Variants in EPHA3 observed in about 807,000 individuals in gnomAD.
EPHA3 encodes the protein EPH receptor A3.
Under a neutral mutation model 107.1 loss-of-function variants are expected in EPHA3, and 42 were observed. The observed-to-expected ratio is 0.39, with a 90% CI of 0.31 to 0.51. EPHA3 has a LOEUF of 0.51. Among genes scored for constraint, EPHA3 ranks in the 20% least tolerant of loss-of-function variants. The pLI is 0.78. For missense variants in EPHA3, 1,183 were observed against 1,211.2 expected (o/e 0.98, Z 0.35); for synonymous variants, 461 against 424.8 (o/e 1.09, Z -1.05).
At chr3:89,315,363 T>C (rs563830176) in intron 3 of EPHA3, among the ~76,000 whole-genome samples, 1 of 151,916 alleles carries the variant, frequency 6.6e-6, no homozygotes, top group African/African-American at 2.4e-5. Context: ...AACTATAGTA[T>C]GTGATGAGAC....
chr3:89,392,325 GCTA>G (rs1219017184), intron 5 of EPHA3, among the ~76,000 whole-genome samples: 3 of 151,980 alleles, frequency 2.0e-5, no homozygotes, highest in African/African-American at 4.8e-5. Flanking sequence ...TGTAATCCCA[GCTA>G]CTTGGGAGGC....
chr3:89,332,336 GCAATAACAACAA>G (rs1358937008), intron 3 of EPHA3, among the ~76,000 whole-genome samples: 5 of 152,156 alleles, frequency 3.3e-5, no homozygotes, highest in Admixed American at 1.3e-4. Context: ...TAAATCTGAT[GCAATAACAACAA>G]ACACAATAAA....
intron 7 of EPHA3, among the ~76,000 whole-genome samples, chr3:89,404,791 G>T (rs916397151): frequency 2.0e-4 from 31 of 152,224 alleles, no homozygotes; most frequent in African/African-American, 7.5e-4. Flanking sequence ...TCCTATCATA[G>T]TTCCCTTCCC....
At position 89,207,011 on chromosome 3, in the gene EPHA3, A is replaced by C. The variant is rs1394002690; in HGVS notation, c.154-2849A>C. Among the ~76,000 whole-genome samples, 15 of 152,194 alleles carry C rather than the reference A, an allele frequency of 9.9e-5. No homozygotes were observed. The South Asian group carries it at 3.1e-3, about 32-fold the overall frequency. On this transcript the variant is annotated intron_variant, in intron 2 of 16. Transcript: ENST00000336596. ...GCCTATCTTGTATTTTAGATCCTGA[A>C]CGATCAAGGTTTTTAAAATAAATAG...
chr3:89,375,589 C>T (rs1484911419), intron 5 of EPHA3, among the ~76,000 whole-genome samples: 1 of 151,674 alleles, frequency 6.6e-6, no homozygotes, highest in Non-Finnish European at 1.5e-5. Flanking sequence ...TGACTGAGAG[C>T]TGTTCCAAAG....
chr3:89,407,211 T>C (rs1709071480), intron 7 of EPHA3, 58 bp from the exon 8 acceptor site: 5 of 1,208,808 alleles, frequency 4.1e-6, no homozygotes, highest in African/African-American at 1.5e-5. Context: ...AACTGTTCCA[T>C]GTAGATGTTA....
rs1210304482 is a variant in EPHA3, at chr3:89,210,142, A to G, written c.436A>G (p.Ile146Val). Residue 146 changes from isoleucine (I) to valine (V), a missense_variant, in exon 3 of 17, where the codon ATT (isoleucine) becomes GTT (valine). Coordinates refer to ENST00000336596, the MANE Select transcript of EPHA3 (RefSeq NM_005233.6). ...REHQFTKIDT[I>V]AADESFTQMD... is the part of the protein sequence containing the mutation. ...GCATCAGTTTACAAAGATTGACACC[A>G]TTGCAGCTGATGAAAGTTTCACTCA... 3 of 1,613,906 alleles carry G rather than the reference A, an allele frequency of 1.9e-6. No individual in the cohort carries two copies. Among genetic ancestry groups the G allele is most frequent in the Non-Finnish European group, 2.5e-6 (3 of 1,179,924 alleles).
At chr3:89,376,229 A>G (rs548843748) in intron 5 of EPHA3, among the ~76,000 whole-genome samples, 1 of 151,978 alleles carries the variant, frequency 6.6e-6, no homozygotes, top group Admixed American at 6.6e-5. Flanking sequence ...CTTTGAAACA[A>G]TTTTCAAACA....
Position 89,419,249 on chromosome 3 carries a change from A to T in EPHA3, c.1933A>T (p.Lys645Ter). 1 of 1,610,122 alleles carries T rather than the reference A, an allele frequency of 6.2e-7. No homozygotes were observed. The highest frequency in any genetic ancestry group is 8.5e-7 in the Non-Finnish European group (1 of 1,177,566). The part of the protein sequence containing the change: ...VCSGRLKLPS[K>*]KEISVAIKTL... ...CAGTGGTCGCTTAAAACTTCCTTCA[A>T]AAAAAGAGATTTCAGTGGCCATTAA... The change falls in exon 11 of 17, where the codon AAA (lysine) becomes TAA (stop). Residue 645 changes from lysine to a stop codon, truncating the protein, a stop_gained. Coordinates refer to ENST00000336596, the MANE Select transcript of EPHA3 (RefSeq NM_005233.6). LOFTEE classifies it high-confidence loss of function.
intron 3 of EPHA3, among the ~76,000 whole-genome samples, chr3:89,337,743 AT>A: frequency 6.6e-6 from 1 of 152,166 alleles, no homozygotes; most frequent in Non-Finnish European, 1.5e-5. Context: ...CCATTAGGCT[AT>A]TATTCTATTT....
chr3:89,351,263 A>G (rs982280812), intron 5 of EPHA3, among the ~76,000 whole-genome samples: 38 of 151,348 alleles, frequency 2.5e-4, no homozygotes, highest in African/African-American at 8.4e-4. Context: ...GCTAGCAATC[A>G]GCGAGATTCC....
intron 5 of EPHA3, among the ~76,000 whole-genome samples, chr3:89,377,016 G>A (rs973162256): frequency 1.3e-5 from 2 of 151,940 alleles, no homozygotes; most frequent in African/African-American, 4.8e-5. Flanking sequence ...CTTTCCTTCT[G>A]TGCCTGTAGT....
intron 3 of EPHA3, among the ~76,000 whole-genome samples, chr3:89,262,184 T>C (rs36076607): frequency 0.28 from 42,008 of 151,942 alleles, 7,187 homozygotes; most frequent in African/African-American, 0.49. Flanking sequence ...TCAGTATTGA[T>C]AGTAATAAAA....
chr3:89,179,029 C>T (rs1163013932), intron 2 of EPHA3, among the ~76,000 whole-genome samples: 1 of 151,602 alleles, frequency 6.6e-6, no homozygotes, highest in East Asian at 1.9e-4. Context: ...CAAACTATAT[C>T]GCTTATATTT....
intron 3 of EPHA3, among the ~76,000 whole-genome samples, chr3:89,292,294 A>G (rs770432770): frequency 6.6e-6 from 1 of 152,196 alleles, no homozygotes; most frequent in African/African-American, 2.4e-5. Flanking sequence ...TATACAGTAT[A>G]ACTACTATTT....
At chr3:89,174,473 T>A (rs990421749) in intron 2 of EPHA3, among the ~76,000 whole-genome samples, 2 of 152,026 alleles carry the variant, frequency 1.3e-5, no homozygotes, top group Non-Finnish European at 2.9e-5. Context: ...GTCTCTTTTT[T>A]AATCCATTTC....
intron 15 of EPHA3, among the ~76,000 whole-genome samples, chr3:89,457,143 G>C (rs1291972503): frequency 2.0e-5 from 3 of 151,816 alleles, no homozygotes; most frequent in Non-Finnish European, 4.4e-5. Flanking sequence ...GTAGGTAACA[G>C]GAAAACAGGC....
intron 10 of EPHA3, among the ~76,000 whole-genome samples, chr3:89,418,139 A>C (rs767252971): frequency 6.6e-6 from 1 of 151,500 alleles, no homozygotes; most frequent in Non-Finnish European, 1.5e-5. Flanking sequence ...AGAAAATTGG[A>C]CCAAGATTAT....
intron 11 of EPHA3, among the ~76,000 whole-genome samples, chr3:89,428,425 T>C (rs879658862): frequency 2.6e-5 from 4 of 152,134 alleles, no homozygotes; most frequent in African/African-American, 4.8e-5. Flanking sequence ...AAAGGTTTCA[T>C]GGTATTTTAG....
Sources: gnomAD v4.1 joint callset for allele counts (sites outside exome capture counted in the v4.1 genomes callset) on GRCh38, gnomAD v4.1.1 for gene constraint, MANE v1.5 for transcripts, NCBI Gene and HGNC (gene_info 2026-07-23, HGNC 2026-07-21) for gene names.